The following MAP4K5 variants were observed in gnomAD, a reference collection of about 807,000 sequenced individuals.
MAP4K5 encodes MAPK/ERK kinase kinase kinase 5.
In MAP4K5, 82 loss-of-function variants were observed where a neutral mutation model predicts 135.6. The ratio of observed to expected loss-of-function variants is 0.60; its 90% CI spans 0.51 to 0.73. MAP4K5 has a LOEUF of 0.73. MAP4K5 is among the 30% of genes least tolerant of loss of function. The pLI is 0.00. For missense variants in MAP4K5, 907 were observed against 1,010.9 expected (o/e 0.90, Z 1.39); for synonymous variants, 347 against 335.0 (o/e 1.04, Z -0.39).
At chr14:50,453,272 C>CAAAAAAAAAAAA (rs750792572) in intron 14 of MAP4K5, among the ~76,000 whole-genome samples, 4 of 105,790 alleles carry the variant, frequency 3.8e-5, no homozygotes, top group Non-Finnish European at 2.1e-5. Flanking sequence ...GATGACAAAC[C>CAAAAAAAAAAAA]AAAAAAAAAA....
At chr14:50,457,602 T>A (rs1460170118) in intron 13 of MAP4K5, among the ~76,000 whole-genome samples, 1 of 152,004 alleles carries the variant, frequency 6.6e-6, no homozygotes, top group Non-Finnish European at 1.5e-5. Context: ...CTAGACTTAT[T>A]TTCTGACCCC....
chr14:50,514,907 CTT>C (rs11307400), intron 2 of MAP4K5, among the ~76,000 whole-genome samples: 351 of 138,116 alleles, frequency 2.5e-3, no homozygotes, highest in Middle Eastern at 3.6e-3. Context: ...CATCCTTATT[CTT>C]TTTTTTTTTT....
At chr14:50,467,983 A>C (rs571219777) in intron 10 of MAP4K5, among the ~76,000 whole-genome samples, 1 of 152,198 alleles carries the variant, frequency 6.6e-6, no homozygotes, top group East Asian at 1.9e-4. Context: ...ATACCATTTA[A>C]AGTGTCAATT....
chr14:50,463,999 G>A, intron 12 of MAP4K5, 53 bp downstream of exon 12: 1 of 941,950 alleles, frequency 1.1e-6, no homozygotes, highest in Non-Finnish European at 1.6e-6. Context: ...TTGTTCTACT[G>A]ATATGTCTAA....
At chr14:50,461,588 T>C (rs894714657) in intron 13 of MAP4K5, among the ~76,000 whole-genome samples, 9 of 152,064 alleles carry the variant, frequency 5.9e-5, no homozygotes, top group Non-Finnish European at 8.8e-5. Flanking sequence ...AGAGGAAGTC[T>C]CTCATTCCTG....
At chr14:50,538,409 C>T (rs960403056) in intron 2 of MAP4K5, among the ~76,000 whole-genome samples, 12 of 152,122 alleles carry the variant, frequency 7.9e-5, no homozygotes, top group African/African-American at 2.7e-4. Flanking sequence ...TTCTGTTAAC[C>T]TTTATCGTCA....
intron 13 of MAP4K5, 158 bp from the exon 14 acceptor site, chr14:50,456,752 T>C: frequency 1.8e-6 from 1 of 571,144 alleles, no homozygotes. Context: ...ACTTCGGAAG[T>C]TTTTTCACTT....
intron 2 of MAP4K5, among the ~76,000 whole-genome samples, chr14:50,542,318 A>G (rs974304793): frequency 1.4e-4 from 22 of 151,920 alleles, no homozygotes; most frequent in African/African-American, 4.8e-4. Context: ...GGGGAGAGAG[A>G]GCACTAGGAC....
At chr14:50,509,720 C>G (rs1033663395) in intron 2 of MAP4K5, among the ~76,000 whole-genome samples, 1 of 151,464 alleles carries the variant, frequency 6.6e-6, no homozygotes, top group Admixed American at 6.6e-5. Context: ...AACTCACTTA[C>G]GTCATAATCT....
intron 14 of MAP4K5, 59 bp downstream of exon 14, chr14:50,456,457 A>G: frequency 8.3e-7 from 1 of 1,210,942 alleles, no homozygotes; most frequent in Non-Finnish European, 1.2e-6. Flanking sequence ...CAAAACATAC[A>G]AGAACACGCA....
intron 3 of MAP4K5, among the ~76,000 whole-genome samples, chr14:50,493,462 G>A (rs922607927): frequency 6.6e-6 from 1 of 151,820 alleles, no homozygotes; most frequent in African/African-American, 2.4e-5. Context: ...CATTTCTCAT[G>A]TCATTAAAAA....
At chr14:50,470,429 A>G (rs1461423420) in intron 9 of MAP4K5, among the ~76,000 whole-genome samples, 1 of 152,184 alleles carries the variant, frequency 6.6e-6, no homozygotes, top group Non-Finnish European at 1.5e-5. Context: ...AGTCATAGAA[A>G]GTGAGGGACT....
At chr14:50,433,240 T>C (rs747543593) in intron 28 of MAP4K5, among the ~76,000 whole-genome samples, 3 of 152,206 alleles carry the variant, frequency 2.0e-5, no homozygotes, top group Non-Finnish European at 4.4e-5. Flanking sequence ...CCAACTCAAC[T>C]TAAAGCATTG....
chr14:50,445,160 G>A lies in MAP4K5; in HGVS notation c.1220C>T (p.Pro407Leu), dbSNP rs34818002. The A allele has an allele frequency of 0.01, 16,730 of 1,613,304 alleles. 159 individuals carry two copies. Among genetic ancestry groups the A allele is most frequent in the Non-Finnish European group, 0.012 (13,705 of 1,179,514 alleles). ...TATGGTTGATGCTTTTTCTTCATCC[G>A]GAAAGTTGTCTTCAGGGTAACTGCT... ...RISSYPEDNF[P>L]DEEKASTIKH... is the part of the protein sequence containing the mutation. The change falls in exon 18 of 33, where the codon CCG becomes CTG. Residue 407 changes from proline (P) to leucine (L), a missense_variant. Pro to Leu is a moderately conservative substitution (Grantham distance 98). Around this residue, in one of 3 missense-constraint regions of MAP4K5, gnomAD observed 690 missense variants for 777.4 expected, o/e 0.89. Transcript: ENST00000682126.
At chr14:50,532,682 G>C (rs1044735219), upstream of MAP4K5, 10 of 152,464 alleles carry the variant, frequency 6.6e-5, no homozygotes, top group Admixed American at 6.5e-4. Flanking sequence ...GAGCACTCCG[G>C]CCGCAGAACC....
chr14:50,435,369 T>C lies in MAP4K5; in HGVS notation c.1883-304A>G, dbSNP rs189984021. On this transcript the variant is annotated intron_variant, in intron 26 of 32. Transcript: ENST00000682126. ...CTTCCTCACTCCCTCCCGTCCTCCT[T>C]CTTTCTTTTTAAAGAGACAGGGTCT... Among the ~76,000 whole-genome samples the C allele has an allele frequency of 9.6e-4, 146 of 152,154 alleles. 2 individuals carry two copies. Among genetic ancestry groups the C allele is most frequent in the Non-Finnish European group, 1.0e-3 (69 of 67,988 alleles).
intron 28 of MAP4K5, 125 bp downstream of exon 28, chr14:50,434,269 T>G: frequency 2.9e-6 from 2 of 679,586 alleles, no homozygotes; most frequent in Middle Eastern, 6.7e-4. Flanking sequence ...TGGGCTTACT[T>G]GGGAAACTAT....
chr14:50,435,050 G>A lies in MAP4K5; in HGVS notation c.1898C>T (p.Thr633Met), dbSNP rs17780143. Residue 633 changes from threonine (T) to methionine (M), a missense_variant, in exon 27 of 33, where the codon ACG (threonine) becomes ATG (methionine). This residue lies in a region of MAP4K5 where 690 missense variants were observed against 777.4 expected (regional missense o/e 0.89). Transcript: ENST00000682126. ...AGCTCCACAGAGGTATTTATGTCCC[G>A]TGTAAGGGTTTCTGACTGGAAAGAA... ...HKCCIVRNPY[T>M]GHKYLCGALQ... 89,628 of 1,599,596 alleles carry A rather than the reference G, an allele frequency of 0.056. 3,223 individuals are homozygous for A. The highest frequency in any genetic ancestry group is 0.17 in the Admixed American group (10,051 of 59,524).
intron 13 of MAP4K5, among the ~76,000 whole-genome samples, chr14:50,459,801 G>A (rs1007015262): frequency 7.2e-5 from 11 of 151,798 alleles, no homozygotes; most frequent in South Asian, 4.2e-4. Flanking sequence ...AGACTCAAGC[G>A]ATTTTCCAGA....
Sources: gnomAD v4.1 joint callset for allele counts (sites outside exome capture counted in the v4.1 genomes callset) on GRCh38, gnomAD v4.1.1 for gene constraint, gnomAD v4.1.1 regional missense constraint, MANE v1.5 for transcripts, NCBI Gene and HGNC (gene_info 2026-07-23, HGNC 2026-07-21) for gene names.